The following SKAP1 variants were observed in gnomAD, a reference collection of about 807,000 sequenced individuals.
SKAP1 encodes src kinase associated phosphoprotein 1.
In SKAP1, 44 loss-of-function variants were observed where a neutral mutation model predicts 58.5. That is an observed-to-expected ratio of 0.75 (90% CI 0.59 to 0.97). The LOEUF is 0.97. Among genes scored for constraint, SKAP1 ranks in the 50% least tolerant of loss-of-function variants. SKAP1 has a pLI of 0.00. For synonymous variants in SKAP1, 127 were observed against 149.7 expected, an observed-to-expected ratio of 0.85 and a Z score of 1.11; for missense variants, 390 against 435.2, an observed-to-expected ratio of 0.90 and a Z score of 0.92.
intron 4 of SKAP1, among the ~76,000 whole-genome samples, chr17:48,200,224 G>A (rs1360327409): frequency 6.6e-6 from 1 of 151,618 alleles, no homozygotes; most frequent in Non-Finnish European, 1.5e-5. Flanking sequence ...TTGAACCCTG[G>A]AGGTGGAGGT....
chr17:48,327,670 C>G (rs2066456154), intron 4 of SKAP1, among the ~76,000 whole-genome samples: 1 of 152,164 alleles, frequency 6.6e-6, no homozygotes, highest in Non-Finnish European at 1.5e-5. Flanking sequence ...CTCTTAACAC[C>G]CAGACTGGAG....
upstream of SKAP1, among the ~76,000 whole-genome samples, chr17:48,432,322 G>A (rs543491400): frequency 2.4e-4 from 37 of 152,148 alleles, no homozygotes; most frequent in East Asian, 7.2e-3. Flanking sequence ...CCAGCTACTC[G>A]GGTGGCTGAG....
At chr17:48,220,683 C>T (rs1470425359) in intron 4 of SKAP1, among the ~76,000 whole-genome samples, 1 of 151,276 alleles carries the variant, frequency 6.6e-6, no homozygotes, top group Non-Finnish European at 1.5e-5. Context: ...ATGGTGGAAC[C>T]CTGTTTCTAC....
chr17:48,228,770 C>A (rs1432545671), intron 4 of SKAP1, among the ~76,000 whole-genome samples: 1 of 152,142 alleles, frequency 6.6e-6, no homozygotes, highest in Non-Finnish European at 1.5e-5. Context: ...CTCAGTTAAG[C>A]CTTTTTGTTT....
At chr17:48,327,694 T>A (rs543224093) in intron 4 of SKAP1, among the ~76,000 whole-genome samples, 2 of 152,178 alleles carry the variant, frequency 1.3e-5, no homozygotes, top group African/African-American at 4.8e-5. Flanking sequence ...AGTGGTGCAA[T>A]CTTGGCTCAC....
At chr17:48,310,244 G>A (rs979089859) in intron 4 of SKAP1, among the ~76,000 whole-genome samples, 1 of 152,110 alleles carries the variant, frequency 6.6e-6, no homozygotes, top group African/African-American at 2.4e-5. Flanking sequence ...TCTGTCCTAC[G>A]GGTTTTCTAG....
intron 11 of SKAP1, among the ~76,000 whole-genome samples, chr17:48,148,197 A>G (rs974302082): frequency 6.6e-6 from 1 of 152,212 alleles, no homozygotes; most frequent in African/African-American, 2.4e-5. Flanking sequence ...GTTGTGGGTG[A>G]AATGTGTGCA....
Position 48,184,574 on chromosome 17 carries a change from G to A in SKAP1, c.567+149C>T. 2 of 968,452 alleles carry A rather than the reference G, an allele frequency of 2.1e-6. 1 individual carries two copies. The highest frequency in any genetic ancestry group is 3.3e-6 in the Non-Finnish European group (2 of 612,574). 60.0% of individuals were successfully genotyped at this position (968,452 alleles called of 1,614,324 possible). On this transcript the variant is annotated intron_variant, in intron 7 of 12. Transcript: ENST00000336915. ...GGAGGGTGTGGCATAGCAAATATGA[G>A]GACATGCCAAGAAATAGGGTCTTCG...
intron 4 of SKAP1, among the ~76,000 whole-genome samples, chr17:48,325,381 T>C (rs1347649024): frequency 3.3e-5 from 5 of 152,206 alleles, no homozygotes; most frequent in African/African-American, 1.2e-4. Flanking sequence ...TGACCATTTA[T>C]GCTCCTCATT....
intron 11 of SKAP1, among the ~76,000 whole-genome samples, chr17:48,144,000 T>G (rs1307707573): frequency 6.6e-6 from 1 of 152,208 alleles, no homozygotes; most frequent in Non-Finnish European, 1.5e-5. Context: ...GCTCCCAGTC[T>G]GTCTGCTCTT....
At chr17:48,322,269 TCTC>T (rs1410544608) in intron 4 of SKAP1, among the ~76,000 whole-genome samples, 1 of 152,232 alleles carries the variant, frequency 6.6e-6, no homozygotes, top group Non-Finnish European at 1.5e-5. Context: ...ATAGTCTTGC[TCTC>T]CTCTTTATTT....
chr17:48,137,260 A>G lies in SKAP1; in HGVS notation c.1056T>C (p.Thr352=), dbSNP rs778264300. Residue 352 remains threonine (T), a synonymous_variant, in exon 12 of 13, where the codon ACT becomes ACC. Transcript: ENST00000336915. ...TTCATCTTTCTTCCACTTCAAAGGC[A>G]GTGGTGAGATACTCCTTTGGAACAA... ...VGIVPKEYLT[T]AFEVEER 1.7e-5 allele frequency: 28 copies of G among 1,613,532 alleles called. No individual in the cohort carries two copies. The highest frequency in any genetic ancestry group is 7.6e-6 in the Non-Finnish European group (9 of 1,179,602).
the SKAP1 span, among the ~76,000 whole-genome samples, chr17:48,444,525 A>T: frequency 1.3e-5 from 2 of 152,242 alleles, no homozygotes; most frequent in African/African-American, 4.8e-5. Context: ...GTCTGGGATT[A>T]GGTGCATGCA....
upstream of SKAP1, among the ~76,000 whole-genome samples, chr17:48,431,426 T>G (rs1463987098): frequency 6.6e-6 from 1 of 152,200 alleles, no homozygotes; most frequent in Non-Finnish European, 1.5e-5. Flanking sequence ...GCAGAGGACT[T>G]TCCAGGTGGA....
At chr17:48,411,941 C>T (rs2067670893) in intron 1 of SKAP1, among the ~76,000 whole-genome samples, 1 of 152,096 alleles carries the variant, frequency 6.6e-6, no homozygotes, top group African/African-American at 2.4e-5. Flanking sequence ...AGTAAAAGAA[C>T]ATTAGGCAAA....
rs757208433 is a variant in SKAP1 at position 48,363,825 on chromosome 17, A to AG, written c.153-12dup. 32 of 1,605,156 alleles carry AG rather than the reference A, an allele frequency of 2.0e-5. No homozygotes were observed. Among genetic ancestry groups the AG allele is most frequent in the African/African-American group, 2.7e-5 (2 of 74,560 alleles). ...AAATCCCAATAGTACCTGAAATACA[A>AG]GGGGGAAAAAAAAAGGGAATAAGTC... On this transcript the variant is annotated splice_polypyrimidine_tract_variant and intron_variant, in intron 2 of 12. Transcript: ENST00000336915.
At chr17:48,207,179 A>T (rs1380907345) in intron 4 of SKAP1, among the ~76,000 whole-genome samples, 2 of 152,156 alleles carry the variant, frequency 1.3e-5, no homozygotes, top group Admixed American at 6.5e-5. Context: ...GAAGAGAAAC[A>T]ATGCTATTAA....
At chr17:48,358,451 A>G (rs1229891425) in intron 3 of SKAP1, among the ~76,000 whole-genome samples, 1 of 152,118 alleles carries the variant, frequency 6.6e-6, no homozygotes, top group African/African-American at 2.4e-5. Context: ...ATGTGACCAT[A>G]AGGGACAAGA....
intron 4 of SKAP1, among the ~76,000 whole-genome samples, chr17:48,237,764 A>G (rs1045881438): frequency 2.0e-5 from 3 of 152,146 alleles, no homozygotes; most frequent in African/African-American, 4.8e-5. Flanking sequence ...GGGTTTTGTG[A>G]CCAATGAAAT....
Sources: gnomAD v4.1 joint callset for allele counts (sites outside exome capture counted in the v4.1 genomes callset) on GRCh38, gnomAD v4.1.1 for gene constraint, MANE v1.5 for transcripts, NCBI Gene and HGNC (gene_info 2026-07-23, HGNC 2026-07-21) for gene names.